Variants in ARHGAP6 observed in about 807,000 individuals in gnomAD.
ARHGAP6 encodes the protein rho GTPase-activating protein 6.
Under a neutral mutation model 55.7 loss-of-function variants are expected in ARHGAP6, and 16 were observed. The ratio of observed to expected loss-of-function variants is 0.29; its 90% CI spans 0.19 to 0.44. The LOEUF is 0.44. Among genes scored for constraint, ARHGAP6 ranks in the 20% least tolerant of loss-of-function variants. The pLI, the probability that ARHGAP6 is intolerant of heterozygous loss-of-function variation, is 1.00. For synonymous variants in ARHGAP6, 382 were observed against 360.9 expected (o/e 1.06, Z -0.66); for missense variants, 698 against 808.9 (o/e 0.86, Z 1.66).
chrX:11,584,131 T>C (rs1351113404), intron 1 of ARHGAP6, among the ~76,000 whole-genome samples: 1 of 112,158 alleles, frequency 8.9e-6, no homozygotes, highest in Non-Finnish European at 1.9e-5. Context: ...TGTCACTAGA[T>C]ACAAGACAAA....
chrX:11,531,386 T>C (rs748931713), intron 1 of ARHGAP6, among the ~76,000 whole-genome samples: 33 of 111,598 alleles, frequency 3.0e-4, no homozygotes, highest in African/African-American at 8.5e-4. Context: ...TAGATGCAAA[T>C]GTAAAAGTTT....
chrX:11,506,547 A>G (rs1258461711), intron 1 of ARHGAP6, among the ~76,000 whole-genome samples: 1 of 111,454 alleles, frequency 9.0e-6, no homozygotes, highest in Non-Finnish European at 1.9e-5. Context: ...AGCTTCACCT[A>G]TGTCCCTGCA....
At chrX:11,185,241 A>G (rs1000829458) in intron 5 of ARHGAP6, among the ~76,000 whole-genome samples, 6 of 110,647 alleles carry the variant, frequency 5.4e-5, no homozygotes, top group African/African-American at 2.0e-4. Flanking sequence ...CAGGCAAGTG[A>G]AAGATAAGGT....
intron 1 of ARHGAP6, among the ~76,000 whole-genome samples, chrX:11,564,071 T>C (rs188346766): frequency 1.3e-4 from 15 of 111,554 alleles, no homozygotes; most frequent in African/African-American, 4.9e-4. Flanking sequence ...AAAAGTGCTT[T>C]TATTCCAATG....
chrX:11,404,300 T>C (rs1025257917), intron 1 of ARHGAP6, among the ~76,000 whole-genome samples: 4 of 111,114 alleles, frequency 3.6e-5, no homozygotes, highest in African/African-American at 1.3e-4. Flanking sequence ...AGGTCATCCT[T>C]GCATCAAAGC....
chrX:11,169,959 T>C (rs2046067501), intron 8 of ARHGAP6, among the ~76,000 whole-genome samples: 1 of 111,014 alleles, frequency 9.0e-6, no homozygotes, highest in Admixed American at 9.6e-5. Flanking sequence ...ACATAAAATT[T>C]CTATCCTGTT....
chrX:11,172,983 G>A (rs186242414), intron 8 of ARHGAP6, among the ~76,000 whole-genome samples: 2 of 111,242 alleles, frequency 1.8e-5, no homozygotes, highest in Admixed American at 1.9e-4. Context: ...ACCAGGCTAG[G>A]GGCTTTCCAC....
At chrX:11,511,305 C>T (rs1386615662) in intron 1 of ARHGAP6, among the ~76,000 whole-genome samples, 1 of 112,099 alleles carries the variant, frequency 8.9e-6, no homozygotes, top group African/African-American at 3.2e-5. Flanking sequence ...AGGAAGGAGA[C>T]ATTTTTGCAA....
At position 11,664,946 on chromosome X, in the gene ARHGAP6, GC is replaced by G; in HGVS notation, c.-119del. On this transcript the variant is annotated 5_prime_UTR_variant, in exon 1 of 13. Coordinates refer to ENST00000337414, the MANE Select transcript of ARHGAP6 (RefSeq NM_013427.3). ...GCCAGGCGGGGCTGGCCCGGGGTTT[GC>G]CCAGGGCAGTGGAGAGCAAAGCCCA... 1.3e-6 allele frequency: 1 copy of G among 769,862 alleles called. No homozygotes were observed. The highest frequency in any genetic ancestry group is 2.2e-5 in the African/African-American group (1 of 46,152). The allele number at this position is 769,862 out of a possible 1,213,427, so 63.4% of individuals were successfully genotyped here.
chrX:11,657,101 G>C (rs2052646417), intron 1 of ARHGAP6, among the ~76,000 whole-genome samples: 1 of 111,513 alleles, frequency 9.0e-6, no homozygotes, highest in African/African-American at 3.3e-5. Context: ...GAGAAGGCAG[G>C]CTGAGATGAT....
At chrX:11,448,208 C>CA (rs2050111106) in intron 1 of ARHGAP6, among the ~76,000 whole-genome samples, 1 of 112,292 alleles carries the variant, frequency 8.9e-6, no homozygotes, top group Non-Finnish European at 1.9e-5. Context: ...GCACAGCCTC[C>CA]AATCCTTCCT....
At chrX:11,548,799 G>T (rs889742811) in intron 1 of ARHGAP6, among the ~76,000 whole-genome samples, 14 of 110,234 alleles carry the variant, frequency 1.3e-4, no homozygotes, top group African/African-American at 4.6e-4. Context: ...AGTGGAGACG[G>T]GGTTTCACCA....
intron 1 of ARHGAP6, among the ~76,000 whole-genome samples, chrX:11,590,803 AAAG>A (rs1490939628): frequency 2.2e-5 from 1 of 45,335 alleles, no homozygotes; most frequent in African/African-American, 1.4e-4. Flanking sequence ...AAAGAAAAGA[AAAG>A]AAAAGAAAAG....
chrX:11,160,721 G>A (rs754659976), intron 9 of ARHGAP6, among the ~76,000 whole-genome samples: 5 of 111,676 alleles, frequency 4.5e-5, no homozygotes, highest in South Asian at 7.4e-4. Flanking sequence ...TCAACTAGGC[G>A]AGCAATCATA....
intron 1 of ARHGAP6, among the ~76,000 whole-genome samples, chrX:11,371,579 T>C (rs1009243980): frequency 1.8e-5 from 2 of 112,482 alleles, no homozygotes; most frequent in African/African-American, 6.4e-5. Context: ...ATAGAGGTAA[T>C]TAAAAGCTAC....
chrX:11,641,323 A>T (rs1461855410), intron 1 of ARHGAP6, among the ~76,000 whole-genome samples: 1 of 111,803 alleles, frequency 8.9e-6, no homozygotes, highest in East Asian at 2.8e-4. Context: ...GCATAGAAGC[A>T]GAGCAATTTC....
intron 1 of ARHGAP6, among the ~76,000 whole-genome samples, chrX:11,254,924 G>A (rs1476850328): frequency 2.7e-5 from 3 of 110,828 alleles, no homozygotes; most frequent in African/African-American, 9.9e-5. Context: ...TGGGTCACAT[G>A]ATCTTATCTC....
intron 1 of ARHGAP6, among the ~76,000 whole-genome samples, chrX:11,638,775 C>T (rs781254675): frequency 1.8e-5 from 2 of 111,769 alleles, no homozygotes; most frequent in Non-Finnish European, 3.8e-5. Context: ...TAAATATATA[C>T]ACCTACTATG....
At chrX:11,210,208 C>T (rs935032179) in intron 2 of ARHGAP6, among the ~76,000 whole-genome samples, 2 of 112,626 alleles carry the variant, frequency 1.8e-5, no homozygotes, top group African/African-American at 6.4e-5. Context: ...AAAGTCATCA[C>T]CACTTTTGTG....
Sources: allele counts gnomAD v4.1 joint callset (sites outside exome capture counted in the v4.1 genomes callset), GRCh38; gene constraint gnomAD v4.1.1; transcripts MANE v1.5; gene names NCBI Gene and HGNC (gene_info 2026-07-23, HGNC 2026-07-21).